The following PPIL1 variants were observed in gnomAD, a reference collection of about 807,000 sequenced individuals.
PPIL1 encodes peptidyl-prolyl cis-trans isomerase-like 1.
A neutral mutation model predicts 19.4 loss-of-function variants in PPIL1; 14 were observed. The ratio of observed to expected loss-of-function variants is 0.72; its 90% CI spans 0.48 to 1.13. The LOEUF (loss-of-function observed/expected upper bound fraction) is 1.13, where lower values mean the gene tolerates loss of function less well. Among genes scored for constraint, PPIL1 ranks in the 50% most tolerant of loss-of-function variants. The pLI is 0.00. For synonymous variants in PPIL1, 72 were observed against 73.6 expected (o/e 0.98, Z 0.11); for missense variants, 192 against 218.0 (o/e 0.88, Z 0.75).
At chr6:36,866,789 C>T (rs955566134) in intron 2 of PPIL1, among the ~76,000 whole-genome samples, 7 of 151,926 alleles carry the variant, frequency 4.6e-5, no homozygotes, top group African/African-American at 1.7e-4. Context: ...ATCGAAGTAC[C>T]GACGGAACCC....
rs1463368553 is a variant in PPIL1, at chr6:36,855,540, G to C, written c.*273C>G. ...CGTATATCAGAGCAGACATGCACAA[G>C]AAGCAGCATTATGGTTCATGTGTAG... On this transcript the variant is annotated 3_prime_UTR_variant, in exon 4 of 4. Transcript: ENST00000373699. The C allele has an allele frequency of 2.2e-6, 1 of 455,818 alleles. No homozygotes were observed. The highest frequency in any genetic ancestry group is 4.1e-6 in the Non-Finnish European group (1 of 245,992). The allele number at this position is 455,818 out of a possible 1,614,324, so 28.2% of individuals were successfully genotyped here.
chr6:36,869,185 T>C (rs1350875459), intron 2 of PPIL1, among the ~76,000 whole-genome samples: 1 of 152,142 alleles, frequency 6.6e-6, no homozygotes, highest in African/African-American at 2.4e-5. Context: ...GGTCTCACTA[T>C]GTCGCCCAGG....
rs559374122 is a variant in PPIL1, at chr6:36,855,740, A to G, written c.*73T>C. On this transcript the variant is annotated 3_prime_UTR_variant, in exon 4 of 4. Coordinates refer to ENST00000373699, the MANE Select transcript of PPIL1 (RefSeq NM_016059.5). ...AAAGCCAAAATGAATTTAGCATTAC[A>G]TGTCATTCTATGTCATCTAGAAGCT... 1.3e-6 allele frequency: 2 copies of G among 1,489,726 alleles called. No individual in the cohort carries two copies. The highest frequency in any genetic ancestry group is 2.3e-5 in the South Asian group (2 of 87,836). The allele number at this position is 1,489,726 out of a possible 1,614,324, so 92.3% of individuals were successfully genotyped here.
At chr6:36,865,203 CT>C in intron 2 of PPIL1, among the ~76,000 whole-genome samples, 1 of 152,312 alleles carries the variant, frequency 6.6e-6, no homozygotes, top group East Asian at 1.9e-4. Context: ...CACAGTCCTG[CT>C]CTACCCTGAA....
intron 2 of PPIL1, among the ~76,000 whole-genome samples, chr6:36,865,467 G>C (rs892061843): frequency 1.3e-5 from 2 of 152,268 alleles, no homozygotes; most frequent in East Asian, 3.9e-4. Flanking sequence ...AGGTGGCTGG[G>C]TGATGTCACA....
chr6:36,859,661 G>T (rs560994283), intron 2 of PPIL1, among the ~76,000 whole-genome samples: 1 of 152,164 alleles, frequency 6.6e-6, no homozygotes, highest in South Asian at 2.1e-4. Context: ...AGAGGTGGCA[G>T]AGGGACAGAG....
At chr6:36,868,862 A>G (rs1019845763) in intron 2 of PPIL1, among the ~76,000 whole-genome samples, 25 of 152,106 alleles carry the variant, frequency 1.6e-4, no homozygotes, top group Non-Finnish European at 2.9e-4. Flanking sequence ...AACAACAACA[A>G]CAAAAACAAA....
rs201473369 is a variant in PPIL1, at chr6:36,855,964, G to A, written c.350C>T (p.Ala117Val). 1.4e-5 allele frequency: 23 copies of A among 1,614,112 alleles called. No individual in the cohort carries two copies. The highest frequency in any genetic ancestry group is 1.3e-5 in the African/African-American group (1 of 74,930). ...TTTGCCGTCAAGCCACTGGGTGGGGGCGAGGGTCACAAAGAACTGGCTGCC... is the reference window on the plus strand; with the variant it reads ...TTTGCCGTCAAGCCACTGGGTGGGGACGAGGGTCACAAAGAACTGGCTGCC... ...TNGSQFFVTL[A>V]PTQWLDGKHT... The change falls in exon 4 of 4, where the codon GCC (alanine) becomes GTC (valine). Residue 117 changes from alanine (A) to valine (V), a missense_variant. Transcript: ENST00000373699.
intron 2 of PPIL1, among the ~76,000 whole-genome samples, chr6:36,860,435 C>CT (rs747532158): frequency 1.3e-5 from 2 of 151,906 alleles, no homozygotes; most frequent in Non-Finnish European, 2.9e-5. Flanking sequence ...GCACTCCTGT[C>CT]TGTCTCCAAA....
At chr6:36,863,980 C>T (rs1341253820) in intron 2 of PPIL1, among the ~76,000 whole-genome samples, 1 of 151,962 alleles carries the variant, frequency 6.6e-6, no homozygotes, top group African/African-American at 2.4e-5. Flanking sequence ...CCCTTCCAAA[C>T]CTGGTTCCCT....
chr6:36,873,678 A>C (rs932739120), intron 1 of PPIL1, among the ~76,000 whole-genome samples: 2 of 152,186 alleles, frequency 1.3e-5, no homozygotes, highest in African/African-American at 4.8e-5. Flanking sequence ...ATTTTGCCAT[A>C]TAAGGTGGGG....
chr6:36,865,696 A>G (rs1774381599), intron 2 of PPIL1, among the ~76,000 whole-genome samples: 1 of 152,188 alleles, frequency 6.6e-6, no homozygotes, highest in Non-Finnish European at 1.5e-5. Context: ...AACCTATATT[A>G]TATACATAAT....
intron 1 of PPIL1, 135 bp downstream of exon 1, chr6:36,874,582 G>A (rs1031506611): frequency 5.2e-5 from 63 of 1,202,022 alleles, no homozygotes; most frequent in Middle Eastern, 2.7e-4. Flanking sequence ...CCCTCTGGGG[G>A]CCGTCTCGGC....
chr6:36,860,563 C>T (rs945927414), intron 2 of PPIL1, among the ~76,000 whole-genome samples: 1 of 152,046 alleles, frequency 6.6e-6, no homozygotes, highest in Non-Finnish European at 1.5e-5. Context: ...CTATGACCAC[C>T]TCCGCCCCCA....
chr6:36,873,842 A>G (rs1004464462), intron 1 of PPIL1, among the ~76,000 whole-genome samples: 1 of 152,206 alleles, frequency 6.6e-6, no homozygotes, highest in African/African-American at 2.4e-5. Context: ...CAGGTAGACA[A>G]GGGCCAGATG....
intron 2 of PPIL1, among the ~76,000 whole-genome samples, chr6:36,861,171 A>G (rs1774281674): frequency 6.6e-6 from 1 of 152,156 alleles, no homozygotes; most frequent in Non-Finnish European, 1.5e-5. Context: ...GATTTTTCTA[A>G]GTGCCTTATT....
chr6:36,857,882 A>G (rs1774199540), intron 2 of PPIL1, among the ~76,000 whole-genome samples: 1 of 152,196 alleles, frequency 6.6e-6, no homozygotes, highest in African/African-American at 2.4e-5. Flanking sequence ...CCACAAGAGC[A>G]GGGTGCTGGG....
chr6:36,872,598 T>A (rs927932910), intron 1 of PPIL1, among the ~76,000 whole-genome samples: 16 of 150,824 alleles, frequency 1.1e-4, no homozygotes, highest in African/African-American at 3.4e-4. Flanking sequence ...GACTTTAAGC[T>A]CCAAGGATGT....
intron 1 of PPIL1, among the ~76,000 whole-genome samples, chr6:36,872,182 G>A (rs1251048997): frequency 6.6e-6 from 1 of 151,528 alleles, no homozygotes. Flanking sequence ...CTGATTATCT[G>A]AAACCAATAT....
Sources: gnomAD v4.1 joint callset for allele counts (sites outside exome capture counted in the v4.1 genomes callset) on GRCh38, gnomAD v4.1.1 for gene constraint, MANE v1.5 for transcripts, NCBI Gene and HGNC (gene_info 2026-07-23, HGNC 2026-07-21) for gene names.